The following QTGAL variants were observed in gnomAD, a reference collection of about 807,000 sequenced individuals.
The protein encoded by QTGAL is queuosine-tRNA galactosyltransferase.
At chr17:82,942,803 G>A in the QTGAL span, 1 of 412,724 alleles carries the variant, frequency 2.4e-6, no homozygotes, top group Non-Finnish European at 4.3e-6. Context: ...CACTCCTCCT[G>A]CCTGGAGACC....
the QTGAL span, chr17:82,956,953 C>T: frequency 1.1e-5 from 10 of 938,724 alleles, no homozygotes; most frequent in East Asian, 2.6e-5. The surrounding 1 kb of genome is among the most constrained non-coding windows in gnomAD (Gnocchi z 5.7). Flanking sequence ...CCGCCACCCC[C>T]GCCTGACACC....
At chr17:82,979,343 C>G in the QTGAL span, 1 of 152,304 alleles carries the variant, frequency 6.6e-6, no homozygotes, top group East Asian at 1.9e-4. Context: ...CCTAAACACA[C>G]AAACTGGATA....
the QTGAL span, chr17:82,978,913 T>C: frequency 6.6e-6 from 1 of 152,042 alleles, no homozygotes; most frequent in Non-Finnish European, 1.5e-5. This position sits in a 1 kb window ranked among gnomAD's most constrained non-coding sequence, Gnocchi z 4.8. Context: ...TCAAAAGAAA[T>C]CTAAAATGTA....
At chr17:83,011,074 G>A in the QTGAL span, among the ~76,000 whole-genome samples, 1 of 152,240 alleles carries the variant, frequency 6.6e-6, no homozygotes, top group African/African-American at 2.4e-5. Context: ...GTTTGGTCTG[G>A]GGTGGTCTAG....
the QTGAL span, chr17:82,944,066 C>G: frequency 2.0e-5 from 3 of 152,252 alleles, no homozygotes; most frequent in Admixed American, 2.0e-4. Context: ...ATGGAAGGAA[C>G]AAGTGGCTTC....
At chr17:83,019,574 C>T in the QTGAL span, among the ~76,000 whole-genome samples, 1 of 152,066 alleles carries the variant, frequency 6.6e-6, no homozygotes, top group South Asian at 2.1e-4. Flanking sequence ...AGCTTCAGTT[C>T]GGGAAGACGG....
chr17:82,957,385 T>C, the QTGAL span: 2 of 1,613,266 alleles, frequency 1.2e-6, no homozygotes, highest in South Asian at 2.2e-5. Context: ...GCAGTCAAGC[T>C]GCGGTACAGC....
chr17:83,021,788 T>A, the QTGAL span, among the ~76,000 whole-genome samples: 1 of 152,218 alleles, frequency 6.6e-6, no homozygotes, highest in Non-Finnish European at 1.5e-5. Flanking sequence ...GTAGCTTTAT[T>A]ACTGCAGCTG....
the QTGAL span, among the ~76,000 whole-genome samples, chr17:83,025,921 G>C: frequency 6.6e-6 from 1 of 152,242 alleles, no homozygotes; most frequent in Non-Finnish European, 1.5e-5. Flanking sequence ...ACGTACTCGG[G>C]GTGACATGCA....
chr17:82,967,960 T>G, the QTGAL span, among the ~76,000 whole-genome samples: 1 of 151,536 alleles, frequency 6.6e-6, no homozygotes, highest in Admixed American at 6.6e-5. Context: ...AAAGTAAAAA[T>G]AAAAATAAAC....
the QTGAL span, among the ~76,000 whole-genome samples, chr17:83,028,381 G>A: frequency 0.022 from 3,242 of 150,448 alleles, 89 homozygotes; most frequent in African/African-American, 0.06. Context: ...AAAATTAGCC[G>A]GGCGAGGTGG....
chr17:82,996,297 G>A, the QTGAL span, among the ~76,000 whole-genome samples: 1 of 152,150 alleles, frequency 6.6e-6, no homozygotes, highest in Non-Finnish European at 1.5e-5. Flanking sequence ...GCCAAGGCAG[G>A]TGGATCATGA....
chr17:83,009,161 C>T, the QTGAL span, among the ~76,000 whole-genome samples: 176 of 152,122 alleles, frequency 1.2e-3, no homozygotes, highest in Non-Finnish European at 1.6e-3. Context: ...CAGTGGCTCA[C>T]ACCTGTAATC....
At chr17:82,970,643 C>CATGGCGTGG in the QTGAL span, among the ~76,000 whole-genome samples, 1 of 112,778 alleles carries the variant, frequency 8.9e-6, no homozygotes, top group African/African-American at 3.5e-5. Context: ...GACCTCCGCA[C>CATGGCGTGG]CCGGTGTGGC....
At chr17:83,000,871 C>T in the QTGAL span, among the ~76,000 whole-genome samples, 4 of 152,208 alleles carry the variant, frequency 2.6e-5, no homozygotes, top group Non-Finnish European at 5.9e-5. Flanking sequence ...GTGAAGCACA[C>T]AGCACATGAC....
At chr17:83,041,651 C>T in the QTGAL span, among the ~76,000 whole-genome samples, 9 of 152,352 alleles carry the variant, frequency 5.9e-5, 1 homozygote, top group South Asian at 1.9e-3. Context: ...AAGTTTAAAA[C>T]ATCATAAGTC....
At chr17:82,995,109 T>C in the QTGAL span, among the ~76,000 whole-genome samples, 1 of 152,174 alleles carries the variant, frequency 6.6e-6, no homozygotes, top group Non-Finnish European at 1.5e-5. Flanking sequence ...ACTGAAAGCC[T>C]TTCCTCTGAG....
At chr17:83,038,529 A>G in the QTGAL span, among the ~76,000 whole-genome samples, 1 of 152,222 alleles carries the variant, frequency 6.6e-6, no homozygotes, top group Non-Finnish European at 1.5e-5. Flanking sequence ...ATCCAACTAT[A>G]AAAGATGCAA....
the QTGAL span, chr17:83,005,739 C>A: frequency 1.3e-6 from 1 of 792,420 alleles, no homozygotes; most frequent in Non-Finnish European, 2.1e-6. The surrounding 1 kb of genome is among the most constrained non-coding windows in gnomAD (Gnocchi z 5.6). Flanking sequence ...CCCGGGCATC[C>A]AGGCCAGCAC....
Sources: allele counts gnomAD v4.1 joint callset (sites outside exome capture counted in the v4.1 genomes callset), GRCh38; gene constraint gnomAD v4.1.1; non-coding constraint Gnocchi (gnomAD v3.1); transcripts MANE v1.5; gene names NCBI Gene and HGNC (gene_info 2026-07-23, HGNC 2026-07-21).